The following NEGR1 variants were observed in gnomAD, a reference collection of about 807,000 sequenced individuals.
The protein encoded by NEGR1 is neuronal growth regulator 1, also known as IgLON family member 4.
A neutral mutation model predicts 40.9 loss-of-function variants in NEGR1; 10 were observed. The ratio of observed to expected loss-of-function variants is 0.24; its 90% CI spans 0.15 to 0.42. The LOEUF (loss-of-function observed/expected upper bound fraction) is 0.42. Ranked by LOEUF, NEGR1 falls within the 10% of genes least tolerant of loss-of-function variation. NEGR1 has a pLI of 1.00. For missense variants in NEGR1, 352 were observed against 438.9 expected, an observed-to-expected ratio of 0.80 and a Z score of 1.77; for synonymous variants, 185 against 166.8, an observed-to-expected ratio of 1.11 and a Z score of -0.84.
intron 1 of NEGR1, among the ~76,000 whole-genome samples, chr1:72,057,797 C>T (rs1287522829): frequency 6.6e-6 from 1 of 151,468 alleles, no homozygotes; most frequent in Non-Finnish European, 1.5e-5. Context: ...TGGATGCCTT[C>T]TTCCTGTGTT....
chr1:71,829,111 T>C (rs995017986), intron 2 of NEGR1, among the ~76,000 whole-genome samples: 4 of 152,022 alleles, frequency 2.6e-5, no homozygotes, highest in African/African-American at 9.7e-5. Context: ...TGTGATTTTT[T>C]AATAGTTCCT....
At chr1:72,176,280 A>G (rs994959941) in intron 1 of NEGR1, among the ~76,000 whole-genome samples, 3 of 152,066 alleles carry the variant, frequency 2.0e-5, no homozygotes, top group Admixed American at 2.0e-4. Flanking sequence ...ACTTTTTGTA[A>G]GAGTTTTAAA....
chr1:72,108,886 CT>C (rs902595222), intron 1 of NEGR1, among the ~76,000 whole-genome samples: 16 of 148,404 alleles, frequency 1.1e-4, no homozygotes, highest in South Asian at 6.4e-4. Context: ...CAATTTCTAA[CT>C]TTTTTTTTTA....
At position 71,407,161 on chromosome 1, in the gene NEGR1, T is replaced by C; in HGVS notation, c.*285A>G. ...CCATGACTGAATGCTTTTGAAAAGT[T>C]GTAGATTACAAACATGAAATCACAA... is the stretch of plus-strand genomic sequence containing the variant. On this transcript the variant is annotated 3_prime_UTR_variant, in exon 7 of 7. Coordinates refer to ENST00000357731, the MANE Select transcript of NEGR1 (RefSeq NM_173808.3). 4.4e-6 allele frequency: 1 copy of C among 225,646 alleles called. No individual in the cohort carries two copies. The allele number at this position is 225,646 out of a possible 1,614,324, so 14.0% of individuals were successfully genotyped here.
intron 3 of NEGR1, among the ~76,000 whole-genome samples, chr1:71,730,012 T>C (rs1184071247): frequency 1.3e-5 from 2 of 151,956 alleles, no homozygotes; most frequent in East Asian, 3.9e-4. Flanking sequence ...AATTTCAAAG[T>C]GGAAAAATGA....
At chr1:72,022,090 G>C (rs1217146996) in intron 1 of NEGR1, among the ~76,000 whole-genome samples, 1 of 151,842 alleles carries the variant, frequency 6.6e-6, no homozygotes, top group African/African-American at 2.4e-5. Flanking sequence ...AGCCGAGATG[G>C]CGCCACTGCA....
intron 2 of NEGR1, among the ~76,000 whole-genome samples, chr1:71,819,839 C>T (rs1250593733): frequency 1.3e-5 from 2 of 151,898 alleles, no homozygotes; most frequent in East Asian, 3.9e-4. Context: ...ATTCAATGTA[C>T]AGTTGAAAGA....
intron 1 of NEGR1, among the ~76,000 whole-genome samples, chr1:72,067,576 T>C (rs1647306806): frequency 6.6e-6 from 1 of 152,134 alleles, no homozygotes; most frequent in Non-Finnish European, 1.5e-5. Context: ...AAATCTTGCT[T>C]GAACTGTAGT....
intron 2 of NEGR1, among the ~76,000 whole-genome samples, chr1:71,836,580 A>G (rs1236998781): frequency 6.6e-6 from 1 of 151,776 alleles, no homozygotes; most frequent in Non-Finnish European, 1.5e-5. Flanking sequence ...CTTCCTGTGT[A>G]TATCAAGACA....
rs368822838 is a variant in NEGR1 at position 71,788,773 on chromosome 1, T to C, written c.410-12476A>G. Among the ~76,000 whole-genome samples, 7 of 151,928 alleles carry C rather than the reference T, an allele frequency of 4.6e-5. No homozygotes were observed. In the East Asian group the frequency reaches 9.6e-4, roughly 21 times the overall value. On this transcript the variant is annotated intron_variant, in intron 2 of 6. Transcript: ENST00000357731. ...GGGGAAAGTCTAATTATAGGAAGGC[T>C]ACTCTCAAAAGATCTCTCTCTTACA... is the stretch of plus-strand genomic sequence containing the variant.
chr1:71,411,350 A>C (rs188810114), intron 6 of NEGR1, among the ~76,000 whole-genome samples: 2 of 152,318 alleles, frequency 1.3e-5, no homozygotes, highest in African/African-American at 4.8e-5. Context: ...GGAAGACAGC[A>C]TGTACTGAAC....
intron 6 of NEGR1, among the ~76,000 whole-genome samples, chr1:71,457,449 T>C (rs1290605201): frequency 6.6e-6 from 1 of 152,208 alleles, no homozygotes; most frequent in East Asian, 1.9e-4. Flanking sequence ...CTTTTAATTC[T>C]TTCAGTCATT....
intron 2 of NEGR1, among the ~76,000 whole-genome samples, chr1:71,820,101 T>G (rs918513024): frequency 1.3e-5 from 2 of 152,012 alleles, no homozygotes; most frequent in Non-Finnish European, 2.9e-5. Flanking sequence ...TTTTTGGTAA[T>G]GAAAGCTATA....
intron 6 of NEGR1, among the ~76,000 whole-genome samples, chr1:71,443,260 C>T (rs1017809528): frequency 2.0e-5 from 3 of 151,996 alleles, no homozygotes; most frequent in African/African-American, 7.2e-5. Context: ...TCTTTAAGTG[C>T]CTTTATAAGT....
intron 6 of NEGR1, among the ~76,000 whole-genome samples, chr1:71,501,860 A>G (rs1026672069): frequency 7.2e-5 from 11 of 152,258 alleles, no homozygotes; most frequent in African/African-American, 2.2e-4. Flanking sequence ...TTGTTGAAAT[A>G]AAGCATATTA....
At chr1:71,997,650 T>C (rs564151794) in intron 1 of NEGR1, among the ~76,000 whole-genome samples, 5 of 152,134 alleles carry the variant, frequency 3.3e-5, no homozygotes, top group African/African-American at 9.6e-5. Flanking sequence ...TAGTACCTTG[T>C]ATAACTAAGA....
chr1:72,160,108 G>A (rs1422032456), intron 1 of NEGR1, among the ~76,000 whole-genome samples: 6 of 152,062 alleles, frequency 3.9e-5, no homozygotes, highest in Admixed American at 3.3e-4. Context: ...TAAAATATAA[G>A]CTGGATATTC....
chr1:72,245,357 G>T (rs1480322668), intron 1 of NEGR1, among the ~76,000 whole-genome samples: 2 of 152,048 alleles, frequency 1.3e-5, no homozygotes, highest in African/African-American at 2.4e-5. Context: ...AGGTCCAAAA[G>T]ATTTATAATA....
chr1:71,897,243 T>C (rs1011571195), intron 2 of NEGR1, among the ~76,000 whole-genome samples: 1 of 152,170 alleles, frequency 6.6e-6, no homozygotes, highest in Non-Finnish European at 1.5e-5. Flanking sequence ...GAACATCAGA[T>C]TCTCTCCATT....
Sources: allele counts gnomAD v4.1 joint callset (sites outside exome capture counted in the v4.1 genomes callset), GRCh38; gene constraint gnomAD v4.1.1; transcripts MANE v1.5; gene names NCBI Gene and HGNC (gene_info 2026-07-23, HGNC 2026-07-21).